Variants in TENM4 observed in about 807,000 individuals in gnomAD.
TENM4 encodes teneurin transmembrane protein 4.
A neutral mutation model predicts 243.3 loss-of-function variants in TENM4; 82 were observed. The observed-to-expected ratio is 0.34, with a 90% CI of 0.28 to 0.40. TENM4 has a LOEUF of 0.40. TENM4 is among the 10% of genes least tolerant of loss of function. The probability of loss-of-function intolerance (pLI) is 1.00; values close to 1 mark genes in which losing one functional copy is unlikely to be tolerated. For missense variants in TENM4, 3,138 were observed against 3,673.3 expected (o/e 0.85, Z 3.77); for synonymous variants, 1,412 against 1,456.3 (o/e 0.97, Z 0.69).
intron 16 of TENM4, among the ~76,000 whole-genome samples, chr11:78,784,919 C>T (rs1053773191): frequency 6.6e-5 from 10 of 152,198 alleles, no homozygotes; most frequent in Non-Finnish European, 4.4e-5. Flanking sequence ...AGATGAGATG[C>T]GTTTATCTTA....
intron 2 of TENM4, among the ~76,000 whole-genome samples, chr11:79,220,390 G>T (rs1864134618): frequency 6.6e-6 from 1 of 152,152 alleles, no homozygotes; most frequent in African/African-American, 2.4e-5. Flanking sequence ...AGCAGAGTGG[G>T]GCTGAATCAC....
chr11:78,734,165 T>C (rs1036855671), intron 20 of TENM4, among the ~76,000 whole-genome samples: 1 of 151,818 alleles, frequency 6.6e-6, no homozygotes. Flanking sequence ...GCACTCCAGC[T>C]TGGGTGACAG....
chr11:79,333,030 C>T (rs543490957), intron 1 of TENM4, among the ~76,000 whole-genome samples: 49 of 152,228 alleles, frequency 3.2e-4, no homozygotes, highest in African/African-American at 1.1e-3. Flanking sequence ...CACTGAACAC[C>T]TCCAAGGCAG....
Position 79,175,299 on chromosome 11 carries a change from G to GA in TENM4, c.-162-26494_-162-26493insT, listed in dbSNP as rs1863137932. ...TATAAAATTTTTTCCACGGGTGATA[G>GA]TAAAAACATTTAATGACTGGTATGG... On this transcript the variant is annotated intron_variant, in intron 3 of 33. Coordinates refer to ENST00000278550, the MANE Select transcript of TENM4 (RefSeq NM_001098816.3). 2.0e-5 allele frequency among the ~76,000 whole-genome samples: 3 copies of GA among 152,192 alleles called. 1 individual carries two copies. Among genetic ancestry groups the GA allele is most frequent in the Non-Finnish European group, 4.4e-5 (3 of 68,026 alleles).
chr11:79,232,438 C>G (rs57667143), intron 2 of TENM4, among the ~76,000 whole-genome samples: 8,742 of 152,298 alleles, frequency 0.057, 384 homozygotes, highest in East Asian at 0.18. Flanking sequence ...GCACTGACCC[C>G]ATCTGCATTC....
intron 4 of TENM4, among the ~76,000 whole-genome samples, chr11:79,129,586 G>A (rs935626978): frequency 4.6e-5 from 7 of 152,112 alleles, no homozygotes; most frequent in African/African-American, 9.7e-5. Flanking sequence ...TTGCATGGGA[G>A]CTGGGTGAGG....
intron 6 of TENM4, among the ~76,000 whole-genome samples, chr11:78,935,290 C>T (rs1044863842): frequency 6.6e-6 from 1 of 152,002 alleles, no homozygotes; most frequent in South Asian, 2.1e-4. Context: ...GGATTACAGG[C>T]GTGAGCCACC....
At chr11:79,104,376 C>T (rs1047160472) in intron 4 of TENM4, among the ~76,000 whole-genome samples, 5 of 152,210 alleles carry the variant, frequency 3.3e-5, no homozygotes, top group Non-Finnish European at 5.9e-5. Context: ...AACATCTTAG[C>T]GCATAGCTAT....
At chr11:79,170,150 C>T (rs1267596924) in intron 3 of TENM4, among the ~76,000 whole-genome samples, 2 of 151,992 alleles carry the variant, frequency 1.3e-5, no homozygotes, top group Non-Finnish European at 2.9e-5. Flanking sequence ...CTGGTGGTCT[C>T]AGTGGTCTAA....
At chr11:78,821,211 G>T (rs1857722812) in intron 12 of TENM4, among the ~76,000 whole-genome samples, 1 of 152,194 alleles carries the variant, frequency 6.6e-6, no homozygotes, top group Admixed American at 6.5e-5. Context: ...ATTATATTCA[G>T]TCTTGGCTAT....
rs562430110 is a variant in TENM4, at chr11:78,658,182, A to C, written c.8186T>G (p.Leu2729Arg). The C allele has an allele frequency of 3.0e-5, 49 of 1,614,028 alleles. No homozygotes were observed. The South Asian group carries it at 4.8e-4, about 16-fold the overall frequency. Reference protein sequence around the residue: ...AWTEGEKQQVLSTGRVQGYDG... With the variant: ...AWTEGEKQQVRSTGRVQGYDG... ...GTAGCCTTGCACCCGCCCTGTGCTC[A>C]GCACCTGCTGCTTCTCCCCCTCTGT... Residue 2729 changes from leucine to arginine, a missense_variant, in exon 34 of 34, where the codon CTG (leucine) becomes CGG (arginine). Coordinates refer to ENST00000278550, the MANE Select transcript of TENM4 (RefSeq NM_001098816.3).
intron 6 of TENM4, among the ~76,000 whole-genome samples, chr11:78,987,858 G>A (rs1054283579): frequency 1.1e-4 from 16 of 150,620 alleles, no homozygotes; most frequent in Non-Finnish European, 2.2e-4. Flanking sequence ...AGAAACTGAC[G>A]GTAAGGCAGG....
At chr11:79,081,755 G>A (rs978719517) in intron 4 of TENM4, among the ~76,000 whole-genome samples, 1 of 152,130 alleles carries the variant, frequency 6.6e-6, no homozygotes, top group African/African-American at 2.4e-5. Flanking sequence ...TTTGCTGGTG[G>A]GGCAGGGGCA....
At position 78,889,994 on chromosome 11, in the gene TENM4, G is replaced by A. The variant is rs1855627050; in HGVS notation, c.875C>T (p.Thr292Ile). 6.5e-7 allele frequency: 1 copy of A among 1,546,908 alleles called. No individual in the cohort carries two copies. The highest frequency in any genetic ancestry group is 1.4e-5 in the African/African-American group (1 of 72,938). Residue 292 changes from threonine (T) to isoleucine (I), a missense_variant, in exon 9 of 34, where the codon ACC (threonine) becomes ATC (isoleucine). Physicochemically the swap from Thr to Ile is moderately conservative, Grantham distance 89 (BLOSUM62 -1). Around this residue, in one of 2 missense-constraint regions of TENM4, gnomAD observed 671 missense variants for 614.1 expected, o/e 1.09. Coordinates refer to ENST00000278550, the MANE Select transcript of TENM4 (RefSeq NM_001098816.3). ...TGATGTGGTGCAGAAGAGCGGGGAG[G>A]TGCCTCCAGGCTTGAAGAGGAAGTG... ...DGHFLFKPGG[T>I]SPLFCTTSPG...
At chr11:79,165,102 T>C (rs967057709) in intron 3 of TENM4, among the ~76,000 whole-genome samples, 5 of 152,088 alleles carry the variant, frequency 3.3e-5, no homozygotes, top group Admixed American at 1.3e-4. Flanking sequence ...CTTATAAACA[T>C]GCTTGTACAA....
chr11:78,670,466 T>G lies in TENM4; in HGVS notation c.5879A>C (p.Asn1960Thr). 1 of 1,613,954 alleles carries G rather than the reference T, an allele frequency of 6.2e-7. No individual in the cohort carries two copies. The highest frequency in any genetic ancestry group is 8.5e-7 in the Non-Finnish European group (1 of 1,179,884). ...GGTCTCTAGTGTCTGCCGCGCCACG[T>G]TGGGCATCGTCACAGAAGAGAGGCG... ...NDRLSSVTMP[N>T]VARQTLETIR... is the part of the protein sequence containing the mutation. Residue 1960 changes from asparagine (N) to threonine (T), a missense_variant, in exon 32 of 34, where the codon AAC becomes ACC. By Grantham distance (65) the Asn-to-Thr change is moderately conservative. Around this residue, in one of 2 missense-constraint regions of TENM4, gnomAD observed 2,467 missense variants for 3,059.1 expected, o/e 0.81. Coordinates refer to ENST00000278550, the MANE Select transcript of TENM4 (RefSeq NM_001098816.3).
chr11:79,172,561 C>T (rs914368763), intron 3 of TENM4, among the ~76,000 whole-genome samples: 2 of 152,164 alleles, frequency 1.3e-5, no homozygotes, highest in African/African-American at 2.4e-5. Context: ...TTATATCCCA[C>T]GTGGCCTTCT....
At chr11:78,667,503 C>T (rs1348394096) in intron 32 of TENM4, among the ~76,000 whole-genome samples, 1 of 152,140 alleles carries the variant, frequency 6.6e-6, no homozygotes, top group African/African-American at 2.4e-5. Flanking sequence ...ACCTGGTGAA[C>T]ACCAGCTCAG....
Position 78,778,640 on chromosome 11 carries a change from A to C in TENM4, c.2366-12T>G, listed in dbSNP as rs1324089913. On this transcript the variant is annotated splice_polypyrimidine_tract_variant and intron_variant, in intron 16 of 33. Transcript: ENST00000278550. Reference sequence around the variant, plus strand: ...ATCCAGATAGTGAGCTAGGGAGATAAAAGACAGGACATTTAAGGTAGGATC... The same window carrying C: ...ATCCAGATAGTGAGCTAGGGAGATACAAGACAGGACATTTAAGGTAGGATC... 2.5e-6 allele frequency: 4 copies of C among 1,611,740 alleles called. No individual in the cohort carries two copies. The South Asian group carries it at 4.4e-5, about 18-fold the overall frequency.
Sources: gnomAD v4.1 joint callset for allele counts (sites outside exome capture counted in the v4.1 genomes callset) on GRCh38, gnomAD v4.1.1 for gene constraint, gnomAD v4.1.1 regional missense constraint, MANE v1.5 for transcripts, NCBI Gene and HGNC (gene_info 2026-07-23, HGNC 2026-07-21) for gene names.